Variants in TMEM14B observed in about 807,000 individuals in gnomAD.
TMEM14B encodes transmembrane protein 14B.
A neutral mutation model predicts 14.8 loss-of-function variants in TMEM14B; 9 were observed. The observed-to-expected ratio is 0.61, with a 90% CI of 0.37 to 1.06. The LOEUF (loss-of-function observed/expected upper bound fraction) is 1.06, where lower values mean the gene tolerates loss of function less well. Ranked by LOEUF, TMEM14B falls within the 50% of genes least tolerant of loss-of-function variation. The probability of loss-of-function intolerance (pLI) is 0.01; values close to 1 mark genes in which losing one functional copy is unlikely to be tolerated. For missense variants in TMEM14B, 128 were observed against 143.6 expected (o/e 0.89, Z 0.56); for synonymous variants, 40 against 51.3 (o/e 0.78, Z 0.94).
rs1561913107 is a variant in TMEM14B, at chr6:10,749,642, G to A, written c.44G>A (p.Gly15Asp). 6.2e-7 allele frequency: 1 copy of A among 1,614,206 alleles called. No homozygotes were observed. ...TTCAGAGTGCCTTTGCATTGGTTTG[G>A]CTTTGGCTACACAGCACTGGTTGTT... Reference protein sequence around the residue: ...LFPLVPLHWFGFGYTALVVSG... With the variant: ...LFPLVPLHWFDFGYTALVVSG... The change falls in exon 3 of 6, where the codon GGC (glycine) becomes GAC (aspartate). Residue 15 changes from glycine (G) to aspartate (D), a missense_variant. Physicochemically the swap from Gly to Asp is moderately conservative, Grantham distance 94. Coordinates refer to ENST00000379542, the MANE Select transcript of TMEM14B (RefSeq NM_030969.5).
rs1771826064 is a variant in TMEM14B, at chr6:10,756,857, A to G, written c.*339A>G. The G allele has an allele frequency of 1.0e-6, 1 of 997,810 alleles. No homozygotes were observed. The highest frequency in any genetic ancestry group is 1.7e-5 in the African/African-American group (1 of 57,748). 61.8% of individuals were successfully genotyped at this position (997,810 alleles called of 1,614,324 possible). ...AACCCCATTCCCTGCTCAGAGGAAC[A>G]GTGTGAAAAAAAATCTCTTGAGAGA... On this transcript the variant is annotated 3_prime_UTR_variant, in exon 6 of 6. Coordinates refer to ENST00000379542, the MANE Select transcript of TMEM14B (RefSeq NM_030969.5).
chr6:10,750,376 A>G (rs1279338315), intron 3 of TMEM14B, among the ~76,000 whole-genome samples: 1 of 132,538 alleles, frequency 7.5e-6, no homozygotes, highest in Non-Finnish European at 1.5e-5. Flanking sequence ...GCTAACACTC[A>G]AAGTTCTCTC....
rs1385908586 is a variant in TMEM14B at position 10,756,701 on chromosome 6, T to C, written c.*183T>C. ...TGTTACCATTATAACCCTACAGAGG[T>C]GGTGAGCATGTAACATGAGCTTATT... On this transcript the variant is annotated 3_prime_UTR_variant, in exon 6 of 6. Coordinates refer to ENST00000379542, the MANE Select transcript of TMEM14B (RefSeq NM_030969.5). The C allele has an allele frequency of 7.4e-7, 1 of 1,350,098 alleles. No individual in the cohort carries two copies. The highest frequency in any genetic ancestry group is 9.5e-7 in the Non-Finnish European group (1 of 1,050,800). 83.6% of individuals were successfully genotyped at this position (1,350,098 alleles called of 1,614,324 possible). A position where few individuals can be genotyped will look rare whatever the true frequency, so the allele number is the denominator to read the frequency against.
At chr6:10,751,630 A>G (rs1456779873) in intron 4 of TMEM14B, among the ~76,000 whole-genome samples, 1 of 152,132 alleles carries the variant, frequency 6.6e-6, no homozygotes, top group Non-Finnish European at 1.5e-5. Flanking sequence ...TTTCCGCTGA[A>G]GACCATTGGC....
intron 5 of TMEM14B, among the ~76,000 whole-genome samples, chr6:10,756,112 G>T (rs184515724): frequency 2.0e-5 from 3 of 152,330 alleles, no homozygotes; most frequent in South Asian, 2.1e-4. Flanking sequence ...AAAAGAGTCA[G>T]TATGGAGCAA....
intron 4 of TMEM14B, 109 bp downstream of exon 4, chr6:10,751,343 C>A: frequency 8.2e-7 from 1 of 1,225,500 alleles, no homozygotes; most frequent in Non-Finnish European, 1.2e-6. Flanking sequence ...TAATTTACGA[C>A]AGTTTCACTG....
Position 10,751,708 on chromosome 6 carries a change from A to G in TMEM14B, c.202+474A>G, listed in dbSNP as rs560656709. Among the ~76,000 whole-genome samples, 16 of 152,238 alleles carry G rather than the reference A, an allele frequency of 1.1e-4. No homozygotes were observed. In the South Asian group the frequency reaches 3.3e-3, roughly 32 times the overall value. ...GCTGCGTTACGTTTTTCACATTTGA[A>G]AATCACCTCTTTAGCAGTCAGCTAA... On this transcript the variant is annotated intron_variant, in intron 4 of 5. Transcript: ENST00000379542.
At chr6:10,759,603 A>G (rs1771913431), downstream of TMEM14B, 1 of 152,200 alleles carries the variant, frequency 6.6e-6, no homozygotes, top group Admixed American at 6.5e-5. Context: ...TTGACACATT[A>G]AGCTGGAAGT....
intron 4 of TMEM14B, 66 bp downstream of exon 4, chr6:10,751,300 T>C (rs1054028277): frequency 1.3e-6 from 2 of 1,575,150 alleles, no homozygotes; most frequent in South Asian, 1.1e-5. Context: ...CAAAAGACCC[T>C]GGTTTGGTGG....
At chr6:10,750,296 C>T (rs576762776) in intron 3 of TMEM14B, among the ~76,000 whole-genome samples, 2 of 151,634 alleles carry the variant, frequency 1.3e-5, no homozygotes, top group East Asian at 1.9e-4. Flanking sequence ...TGTACTTGAG[C>T]GAGTTAGAGA....
At chr6:10,752,338 G>T (rs549627490) in intron 4 of TMEM14B, among the ~76,000 whole-genome samples, 12 of 151,818 alleles carry the variant, frequency 7.9e-5, no homozygotes, top group South Asian at 4.2e-4. Flanking sequence ...CTCCCTGACC[G>T]TCTCCAGACC....
chr6:10,749,737 C>T (rs747212950), intron 3 of TMEM14B, 39 bp downstream of exon 3: 10 of 1,608,710 alleles, frequency 6.2e-6, no homozygotes, highest in Admixed American at 5.0e-5. Context: ...AACATCTTCA[C>T]GTTGTTCCAG....
Position 10,753,919 on chromosome 6 carries a change from A to C in TMEM14B, c.203-1223A>C, listed in dbSNP as rs139963784. Reference sequence around the variant, plus strand: ...AGGACGTTCCTTAGCTGGTATCCCCATGTACCCTCTAGTTTCCCTGAAGTT... The same window carrying C: ...AGGACGTTCCTTAGCTGGTATCCCCCTGTACCCTCTAGTTTCCCTGAAGTT... On this transcript the variant is annotated intron_variant, in intron 4 of 5. Transcript: ENST00000379542. 8.5e-4 allele frequency among the ~76,000 whole-genome samples: 130 copies of C among 152,204 alleles called. 1 individual carries two copies. Among genetic ancestry groups the C allele is most frequent in the African/African-American group, 2.9e-3 (122 of 41,526 alleles).
intron 4 of TMEM14B, among the ~76,000 whole-genome samples, chr6:10,754,427 C>T (rs762786588): frequency 6.6e-6 from 1 of 152,162 alleles, no homozygotes; most frequent in African/African-American, 2.4e-5. Flanking sequence ...TCCCTGTCAC[C>T]ACAGGGCCTC....
chr6:10,755,278 A>G, intron 5 of TMEM14B, 46 bp downstream of exon 5: 2 of 1,613,120 alleles, frequency 1.2e-6, no homozygotes, highest in Non-Finnish European at 1.7e-6. Flanking sequence ...AGTTCAGTTT[A>G]TTGCCCAGAA....
In TMEM14B at chr6:10,749,278, C is replaced by T. The variant is rs760019752; in HGVS notation, c.23+10C>T. 1 of 1,614,070 alleles carries T rather than the reference C, an allele frequency of 6.2e-7. No homozygotes were observed. The highest frequency in any genetic ancestry group is 1.1e-5 in the South Asian group (1 of 91,084). ...AGCCCCTCTTCCCATTGTGAGTAGA[C>T]AGTAAATGGTTAGAGAGTAGCCAGG... On this transcript the variant is annotated intron_variant, in intron 2 of 5. Coordinates refer to ENST00000379542, the MANE Select transcript of TMEM14B (RefSeq NM_030969.5).
In TMEM14B at chr6:10,749,623, G is replaced by A; in HGVS notation, c.25G>A (p.Val9Met). The change falls in exon 3 of 6, where the codon GTG becomes ATG. Residue 9 changes from valine (V) to methionine (M), a missense_variant and splice_region_variant. Transcript: ENST00000379542. The part of the protein sequence containing the change: MEKPLFPL[V>M]PLHWFGFGYT... ...CACTGACTTCTCTTGTGTTTTCAGA[G>A]TGCCTTTGCATTGGTTTGGCTTTGG... 1.2e-6 allele frequency: 2 copies of A among 1,614,240 alleles called. No homozygotes were observed. Among genetic ancestry groups the A allele is most frequent in the Non-Finnish European group, 8.5e-7 (1 of 1,180,048 alleles).
At chr6:10,751,099 C>T (rs772748063) in intron 3 of TMEM14B, 34 bp from the exon 4 acceptor site, 6 of 1,611,458 alleles carry the variant, frequency 3.7e-6, no homozygotes, top group Non-Finnish European at 5.1e-6. Context: ...AAGTGCCTGA[C>T]ATTACAATGC....
chr6:10,751,937 GAC>G (rs1281356769), intron 4 of TMEM14B, among the ~76,000 whole-genome samples: 1 of 152,108 alleles, frequency 6.6e-6, no homozygotes, highest in Non-Finnish European at 1.5e-5. Flanking sequence ...CCATGTGTCA[GAC>G]ACTGCTATGA....
Sources: gnomAD v4.1 joint callset for allele counts (sites outside exome capture counted in the v4.1 genomes callset) on GRCh38, gnomAD v4.1.1 for gene constraint, MANE v1.5 for transcripts, NCBI Gene and HGNC (gene_info 2026-07-23, HGNC 2026-07-21) for gene names.